BHLHE41: variants seen among roughly 807,000 people sequenced by gnomAD.
BHLHE41 encodes basic helix-loop-helix family member e41.
A neutral mutation model predicts 24.0 loss-of-function variants in BHLHE41; 14 were observed. That is an observed-to-expected ratio of 0.58 (90% CI 0.39 to 0.91). The LOEUF (loss-of-function observed/expected upper bound fraction) is 0.91, where lower values mean the gene tolerates loss of function less well. BHLHE41 is among the 40% of genes least tolerant of loss of function. The probability of loss-of-function intolerance (pLI) is 0.00; values close to 1 mark genes in which losing one functional copy is unlikely to be tolerated. For missense variants in BHLHE41, 674 were observed against 655.4 expected (o/e 1.03, Z -0.31); for synonymous variants, 394 against 315.5 (o/e 1.25, Z -2.64).
chr12:26,124,248 C>T (rs1944341863), intron 2 of BHLHE41, 69 bp from the exon 3 acceptor site: 7 of 934,964 alleles, frequency 7.5e-6, no homozygotes, highest in Middle Eastern at 4.1e-4. Flanking sequence ...ATATTACCCT[C>T]GTCTGCCCCC....
At position 26,124,753 on chromosome 12, in the gene BHLHE41, T is replaced by C; in HGVS notation, c.27A>G (p.Gln9=). MDEGIPHL[Q]ERQLLEHRDF... ...CTCTATGTTCCAGTAACTGTCTCTC[T>C]TGCAAATGAGGAATTCCTTCGTCCA... The change falls in exon 1 of 5, where the codon CAA becomes CAG. Residue 9 remains glutamine (Q), a synonymous_variant. Coordinates refer to ENST00000242728, the MANE Select transcript of BHLHE41 (RefSeq NM_030762.3). 1 of 1,614,244 alleles carries C rather than the reference T, an allele frequency of 6.2e-7. No individual in the cohort carries two copies. The highest frequency in any genetic ancestry group is 8.5e-7 in the Non-Finnish European group (1 of 1,180,046).
chr12:26,122,458 AGCAGAAGGGCAG>A lies in BHLHE41; in HGVS notation c.1045_1056del (p.Leu349_Cys352del). 3 of 1,355,306 alleles carry A rather than the reference AGCAGAAGGGCAG, an allele frequency of 2.2e-6. No individual in the cohort carries two copies. The South Asian group carries it at 4.9e-5, about 22-fold the overall frequency. The allele number at this position is 1,355,306 out of a possible 1,614,324, so 84.0% of individuals were successfully genotyped here. On this transcript the variant is annotated inframe_deletion, in exon 5 of 5. Transcript: ENST00000242728. ...GCGGCAGCTGCAGAAGGCGAGAGGA[AGCAGAAGGGCAG>A]GCAGAAGGGGGCCGCGGCGGCCGCG...
rs1242251629 is a variant in BHLHE41, at chr12:26,121,153, G to C, written c.*913C>G. 3 of 152,206 alleles carry C rather than the reference G, an allele frequency of 2.0e-5. No individual in the cohort carries two copies. Among genetic ancestry groups the C allele is most frequent in the Admixed American group, 1.3e-4 (2 of 15,278 alleles). The allele number at this position is 152,206 out of a possible 1,614,324, so 9.4% of individuals were successfully genotyped here. On this transcript the variant is annotated 3_prime_UTR_variant, in exon 5 of 5. Transcript: ENST00000242728. ...TGATGGATTAATGAGAGTGGGAATAGATGCACTTGAGATGTGTATGTATAG... is the reference window on the plus strand; with the variant it reads ...TGATGGATTAATGAGAGTGGGAATACATGCACTTGAGATGTGTATGTATAG...
In BHLHE41 at chr12:26,122,159, G is replaced by A; in HGVS notation, c.1356C>T (p.Arg452=). The A allele has an allele frequency of 6.5e-7, 1 of 1,539,706 alleles. No individual in the cohort carries two copies. The highest frequency in any genetic ancestry group is 2.5e-5 in the East Asian group (1 of 39,976). ...GAPHPQHPHG[R]THLPFAGPRE... ...GGGGCCCGGCGAAGGGCAGGTGGGT[G>A]CGGCCGTGCGGGTGCTGGGGGTGCG... The change falls in exon 5 of 5, where the codon CGC becomes CGT. Residue 452 remains arginine, a synonymous_variant. Transcript: ENST00000242728.
At position 26,123,162 on chromosome 12, in the gene BHLHE41, C is replaced by A; in HGVS notation, c.353G>T (p.Arg118Leu). 6.3e-7 allele frequency: 1 copy of A among 1,590,752 alleles called. No individual in the cohort carries two copies. Residue 118 changes from arginine to leucine, a missense_variant, in exon 5 of 5, where the codon CGA (arginine) becomes CTA (leucine). By Grantham distance (102) the Arg-to-Leu change is moderately radical (BLOSUM62 -2). Around this residue, in one of 3 missense-constraint regions of BHLHE41, gnomAD observed 602 missense variants for 570.8 expected, o/e 1.05. Coordinates refer to ENST00000242728, the MANE Select transcript of BHLHE41 (RefSeq NM_030762.3). Reference protein sequence around the residue: ...QKIIALQNGERSLKSPIQSDL... With the variant: ...QKIIALQNGELSLKSPIQSDL... ...GGACTGAATGGGCGATTTCAGAGAT[C>A]GCTCCCCTAGGATGAGGAAGGGATG...
In BHLHE41 at chr12:26,122,691, G is replaced by T; in HGVS notation, c.824C>A (p.Pro275Gln). The T allele has an allele frequency of 6.4e-7, 1 of 1,562,144 alleles. No individual in the cohort carries two copies. Among genetic ancestry groups the T allele is most frequent in the South Asian group, 1.2e-5 (1 of 86,362 alleles). The change falls in exon 5 of 5, where the codon CCG (proline) becomes CAG (glutamine). Residue 275 changes from proline to glutamine, a missense_variant. This residue lies in a region of BHLHE41 where 602 missense variants were observed against 570.8 expected (regional missense o/e 1.05). Coordinates refer to ENST00000242728, the MANE Select transcript of BHLHE41 (RefSeq NM_030762.3). ...IKQEPPGEDSPAPKRMKLDSR... is the reference protein window; with the variant it reads ...IKQEPPGEDSQAPKRMKLDSR... ...ATCCAGCTTCATCCTCTTGGGCGCC[G>T]GCGAGTCCTCCCCGGGAGGCTCCTG...
intron 3 of BHLHE41, 106 bp from the exon 4 acceptor site, chr12:26,123,847 A>T (rs1416877119): frequency 2.4e-6 from 2 of 843,498 alleles, no homozygotes; most frequent in Non-Finnish European, 4.1e-6. Context: ...ACTTTGAAAG[A>T]AGTACTGTTC....
chr12:26,123,319 T>G, intron 4 of BHLHE41, 151 bp from the exon 5 acceptor site: 1 of 1,200,230 alleles, frequency 8.3e-7, no homozygotes, highest in Non-Finnish European at 1.1e-6. Context: ...AATCCACCAG[T>G]TGACGAGAGA....
chr12:26,123,397 G>C (rs1046249890), intron 4 of BHLHE41, among the ~76,000 whole-genome samples: 3 of 152,210 alleles, frequency 2.0e-5, no homozygotes, highest in Non-Finnish European at 2.9e-5. Context: ...AAAGTGGAGC[G>C]GGTGCAACCG....
Position 26,122,498 on chromosome 12 carries a change from C to T in BHLHE41, c.1017G>A (p.Gln339=), listed in dbSNP as rs1287540548. The T allele has an allele frequency of 4.6e-6, 6 of 1,318,062 alleles. No individual in the cohort carries two copies. The South Asian group carries it at 8.8e-5, about 19-fold the overall frequency. 81.6% of individuals were successfully genotyped at this position (1,318,062 alleles called of 1,614,324 possible). ...AGAAGGGGGCCGCGGCGGCCGCGGG[C>T]TGCGGGAAGGGCGCGCCTCCGCCTC... ...FGGGGGAPFP[Q]PAAAAAPFCL... The change falls in exon 5 of 5, where the codon CAG becomes CAA. Residue 339 remains glutamine (Q), a synonymous_variant. Coordinates refer to ENST00000242728, the MANE Select transcript of BHLHE41 (RefSeq NM_030762.3).
Position 26,122,372 on chromosome 12 carries a change from AGCC to A in BHLHE41, c.1140_1142del (p.Ala383del). 1.7e-6 allele frequency: 2 copies of A among 1,179,590 alleles called. No homozygotes were observed. The highest frequency in any genetic ancestry group is 4.4e-5 in the Admixed American group (1 of 22,890). The allele number at this position is 1,179,590 out of a possible 1,614,324, so 73.1% of individuals were successfully genotyped here. A position where few individuals can be genotyped will look rare whatever the true frequency, so the allele number is the denominator to read the frequency against. ...GGTATAGCAGCGGGAACGGGGCGGC[AGCC>A]GCCGCCGGGTACAGATACTTCTCCA... On this transcript the variant is annotated inframe_deletion, in exon 5 of 5. Transcript: ENST00000242728.
chr12:26,120,837 G>A lies in BHLHE41; in HGVS notation c.*1229C>T, dbSNP rs1485375731. On this transcript the variant is annotated 3_prime_UTR_variant, in exon 5 of 5. Transcript: ENST00000242728. Reference sequence around the variant, plus strand: ...AACAAACTAAAAATATCTAGACAAGGTCTTGGTTTAAGCCTTATTAAAAAA... The same window carrying A: ...AACAAACTAAAAATATCTAGACAAGATCTTGGTTTAAGCCTTATTAAAAAA... 1 of 152,624 alleles carries A rather than the reference G, an allele frequency of 6.6e-6. No individual in the cohort carries two copies. Among genetic ancestry groups the A allele is most frequent in the African/African-American group, 2.4e-5 (1 of 41,440 alleles). 9.5% of individuals were successfully genotyped at this position (152,624 alleles called of 1,614,324 possible).
At position 26,124,795 on chromosome 12, in the gene BHLHE41, G is replaced by T; in HGVS notation, c.-16C>A. Reference sequence around the variant, plus strand: ...CTTCGTCCATGTTCAACTGCTGTTCGTTTCCTCTGTTTCGATTTTTGGGGC... The same window carrying T: ...CTTCGTCCATGTTCAACTGCTGTTCTTTTCCTCTGTTTCGATTTTTGGGGC... On this transcript the variant is annotated 5_prime_UTR_variant, in exon 1 of 5. Coordinates refer to ENST00000242728, the MANE Select transcript of BHLHE41 (RefSeq NM_030762.3). The T allele has an allele frequency of 6.2e-7, 1 of 1,613,916 alleles. No individual in the cohort carries two copies. The highest frequency in any genetic ancestry group is 2.2e-5 in the East Asian group (1 of 44,874).
chr12:26,123,784 AAC>A, intron 3 of BHLHE41, 43 bp from the exon 4 acceptor site: 1 of 1,337,998 alleles, frequency 7.5e-7, no homozygotes, highest in Non-Finnish European at 1.1e-6. Flanking sequence ...GTTACTTAAA[AAC>A]ACACATTTGG....
rs1207642416 is a variant in BHLHE41, at chr12:26,121,376, C to CT, written c.*689dup. The CT allele has an allele frequency of 2.0e-5, 3 of 152,622 alleles. No individual in the cohort carries two copies. Among genetic ancestry groups the CT allele is most frequent in the South Asian group, 2.1e-4 (1 of 4,824 alleles). The allele number at this position is 152,622 out of a possible 1,614,324, so 9.5% of individuals were successfully genotyped here. A position where few individuals can be genotyped will look rare whatever the true frequency, so the allele number is the denominator to read the frequency against. ...CTGACGATGGCCCAGCTCCGTGTTT[C>CT]TTTAACGAGTGCAAGTTACTAAGAG... On this transcript the variant is annotated 3_prime_UTR_variant, in exon 5 of 5. Coordinates refer to ENST00000242728, the MANE Select transcript of BHLHE41 (RefSeq NM_030762.3).
chr12:26,124,867 G>GA lies in BHLHE41; in HGVS notation c.-89dup, dbSNP rs1045391425. ...CGGTAGGCTTGGGAGACCTTGGGGG[G>GA]ATCTGTGCGTCTCCAGTCTCTCTCT... On this transcript the variant is annotated 5_prime_UTR_variant, in exon 1 of 5. Transcript: ENST00000242728. 2 of 1,277,502 alleles carry GA rather than the reference G, an allele frequency of 1.6e-6. No individual in the cohort carries two copies. The highest frequency in any genetic ancestry group is 2.9e-5 in the African/African-American group (2 of 68,288). 79.1% of individuals were successfully genotyped at this position (1,277,502 alleles called of 1,614,324 possible).
chr12:26,123,030 A>AGCTGG lies in BHLHE41; in HGVS notation c.480_484dup (p.Leu162ProfsTer3). The AGCTGG allele has an allele frequency of 6.3e-7, 1 of 1,574,892 alleles. No homozygotes were observed. The highest frequency in any genetic ancestry group is 1.2e-5 in the South Asian group (1 of 85,894). ...GGCCACGGCGTGCAAGTGGTTGATC[A>AGCTGG]GCTGGACACACCGCGGCTCCCTGGG... On this transcript the variant is annotated frameshift_variant, in exon 5 of 5. Coordinates refer to ENST00000242728, the MANE Select transcript of BHLHE41 (RefSeq NM_030762.3). LOFTEE classifies it low-confidence loss of function (END_TRUNC).
At chr12:26,123,359 G>A (rs534544194) in intron 4 of BHLHE41, among the ~76,000 whole-genome samples, 191 bp from the exon 5 acceptor site, 80 of 152,306 alleles carry the variant, frequency 5.3e-4, no homozygotes, top group African/African-American at 1.7e-3. Context: ...GGAGCGGGGA[G>A]AGGGCGCTCT....
In BHLHE41 at chr12:26,122,303, G is replaced by GGCGGCGGCGGCTGCC; in HGVS notation, c.1197_1211dup (p.Ala407_Ala411dup). The GGCGGCGGCGGCTGCC allele has an allele frequency of 1.7e-6, 2 of 1,163,986 alleles. No homozygotes were observed. The highest frequency in any genetic ancestry group is 2.1e-6 in the Non-Finnish European group (2 of 943,870). 72.1% of individuals were successfully genotyped at this position (1,163,986 alleles called of 1,614,324 possible). On this transcript the variant is annotated inframe_insertion, in exon 5 of 5. Transcript: ENST00000242728. ...GGAACGCGGCGGCGGCGGCGGCAGC[G>GGCGGCGGCGGCTGCC]GCGGCGGCGGCTGCCGCGGCTGCCG...
Sources: gnomAD v4.1 joint callset for allele counts (sites outside exome capture counted in the v4.1 genomes callset) on GRCh38, gnomAD v4.1.1 for gene constraint, gnomAD v4.1.1 regional missense constraint, MANE v1.5 for transcripts, NCBI Gene and HGNC (gene_info 2026-07-23, HGNC 2026-07-21) for gene names.